Variants in MGAT4A observed in about 807,000 individuals in gnomAD.
The protein encoded by MGAT4A is alpha-1,3-mannosyl-glycoprotein 4-beta-N-acetylglucosaminyltransferase A, also known as N-acetylglucosaminyltransferase IVa.
Under a neutral mutation model 74.1 loss-of-function variants are expected in MGAT4A, and 33 were observed. The ratio of observed to expected loss-of-function variants is 0.45; its 90% CI spans 0.34 to 0.60. The LOEUF is 0.60. MGAT4A is among the 20% of genes least tolerant of loss of function. The pLI is 0.02. For missense variants in MGAT4A, 479 were observed against 628.3 expected, an observed-to-expected ratio of 0.76 and a Z score of 2.54; for synonymous variants, 198 against 210.4, an observed-to-expected ratio of 0.94 and a Z score of 0.51.
At chr2:98,628,734 A>T (rs1701182400) in intron 14 of MGAT4A, among the ~76,000 whole-genome samples, 1 of 152,194 alleles carries the variant, frequency 6.6e-6, no homozygotes, top group Non-Finnish European at 1.5e-5. Context: ...CAATGCTCAA[A>T]ATCTACTTTT....
At chr2:98,728,462 C>T (rs1333567298) in intron 1 of MGAT4A, among the ~76,000 whole-genome samples, 1 of 152,308 alleles carries the variant, frequency 6.6e-6, no homozygotes. Flanking sequence ...AAAATCTTCA[C>T]AGTGGCCAGG....
At chr2:98,686,869 T>C (rs1180191669) in intron 2 of MGAT4A, among the ~76,000 whole-genome samples, 3 of 152,210 alleles carry the variant, frequency 2.0e-5, no homozygotes, top group Admixed American at 2.0e-4. Context: ...CTCTTTTCAG[T>C]AAGTTCATCG....
chr2:98,658,107 A>G (rs1701684296), intron 6 of MGAT4A, 111 bp downstream of exon 6: 1 of 704,822 alleles, frequency 1.4e-6, no homozygotes, highest in South Asian at 1.7e-5. Context: ...CTAATAAACA[A>G]TGAACTCCAC....
chr2:98,662,841 C>T (rs1701771157), intron 5 of MGAT4A, among the ~76,000 whole-genome samples: 1 of 152,174 alleles, frequency 6.6e-6, no homozygotes, highest in Admixed American at 6.5e-5. Flanking sequence ...ATCCTATTGA[C>T]AACAAATATT....
At position 98,681,745 on chromosome 2, in the gene MGAT4A, G is replaced by A. The variant is rs200502810; in HGVS notation, c.95-3274C>T. 1.6e-4 allele frequency among the ~76,000 whole-genome samples: 24 copies of A among 152,176 alleles called. No homozygotes were observed. The East Asian group carries it at 4.1e-3, about 26-fold the overall frequency. ...CCATGGCGAGAGGATCACTGGAGCC[G>A]AGTTTGAGACCACCCTGGGCAACAT... is the stretch of plus-strand genomic sequence containing the variant. On this transcript the variant is annotated intron_variant, in intron 2 of 15. Transcript: ENST00000393487.
At chr2:98,642,999 T>G (rs1285944646) in intron 10 of MGAT4A, among the ~76,000 whole-genome samples, 1 of 152,214 alleles carries the variant, frequency 6.6e-6, no homozygotes, top group African/African-American at 2.4e-5. Flanking sequence ...CAATGAATGG[T>G]AAGTCAACTC....
At chr2:98,726,079 T>C in intron 2 of MGAT4A, 160 bp downstream of exon 2, 1 of 503,606 alleles carries the variant, frequency 2.0e-6, no homozygotes, top group South Asian at 4.0e-5. Context: ...CTGTGTCCTC[T>C]GTCCAAGAAT....
chr2:98,685,874 C>T (rs534788037), intron 2 of MGAT4A, among the ~76,000 whole-genome samples: 3 of 152,240 alleles, frequency 2.0e-5, no homozygotes, highest in Admixed American at 6.5e-5. Context: ...GGTCCATGAG[C>T]GGAGAAGCCC....
chr2:98,720,952 A>G (rs1226654162), intron 2 of MGAT4A, among the ~76,000 whole-genome samples: 1 of 152,240 alleles, frequency 6.6e-6, no homozygotes, highest in Non-Finnish European at 1.5e-5. Context: ...AGGAAGCTCA[A>G]CAGACTCCAA....
At chr2:98,631,400 C>T (rs1261100663) in intron 14 of MGAT4A, among the ~76,000 whole-genome samples, 1 of 152,230 alleles carries the variant, frequency 6.6e-6, no homozygotes, top group Non-Finnish European at 1.5e-5. Context: ...CTGTGCCCAC[C>T]GACCTAGGTG....
chr2:98,650,211 T>C (rs1701557203), intron 8 of MGAT4A, among the ~76,000 whole-genome samples: 1 of 152,038 alleles, frequency 6.6e-6, no homozygotes, highest in Admixed American at 6.5e-5. Context: ...ATAGGACTTT[T>C]GAAATTACTG....
rs367851646 is a variant in MGAT4A, at chr2:98,666,244, G to A, written c.404-3065C>T. On this transcript the variant is annotated intron_variant, in intron 4 of 15. Coordinates refer to ENST00000393487, the MANE Select transcript of MGAT4A (RefSeq NM_012214.3). ...GACAAGAGAAGGGGAGGAATCAAGG[G>A]TGACTTGAGTAACTGGACGGGGGCA... Among the ~76,000 whole-genome samples, 3 of 152,108 alleles carry A rather than the reference G, an allele frequency of 2.0e-5. No individual in the cohort carries two copies. The South Asian group carries it at 6.2e-4, about 32-fold the overall frequency.
chr2:98,716,558 C>T (rs558322495), intron 2 of MGAT4A, among the ~76,000 whole-genome samples: 63 of 152,294 alleles, frequency 4.1e-4, no homozygotes, highest in African/African-American at 1.5e-3. Flanking sequence ...GCAGAGGTTG[C>T]GGTGAGCCAA....
intron 4 of MGAT4A, among the ~76,000 whole-genome samples, chr2:98,667,271 G>A (rs992740856): frequency 6.6e-6 from 1 of 152,182 alleles, no homozygotes; most frequent in African/African-American, 2.4e-5. Context: ...GACTAATACA[G>A]TAAATTGGTA....
At chr2:98,636,801 A>G (rs983593447) in intron 12 of MGAT4A, among the ~76,000 whole-genome samples, 2 of 152,226 alleles carry the variant, frequency 1.3e-5, no homozygotes, top group African/African-American at 4.8e-5. Flanking sequence ...CTCCTAGGTG[A>G]TAAGTTCATT....
chr2:98,666,080 A>G (rs1701825311), intron 4 of MGAT4A, among the ~76,000 whole-genome samples: 1 of 152,188 alleles, frequency 6.6e-6, no homozygotes, highest in African/African-American at 2.4e-5. Context: ...CAAAAAGTAA[A>G]AGCACTTTGG....
At chr2:98,667,587 T>C (rs887109141) in intron 4 of MGAT4A, among the ~76,000 whole-genome samples, 1 of 152,188 alleles carries the variant, frequency 6.6e-6, no homozygotes, top group African/African-American at 2.4e-5. Context: ...CCCTAGAGAT[T>C]TGTGGAACTT....
At chr2:98,715,546 G>C (rs1702580509) in intron 2 of MGAT4A, among the ~76,000 whole-genome samples, 1 of 152,078 alleles carries the variant, frequency 6.6e-6, no homozygotes, top group Non-Finnish European at 1.5e-5. Context: ...ACTAATGCAG[G>C]AACAGAAAAC....
At chr2:98,657,194 T>C (rs1701672658) in intron 6 of MGAT4A, among the ~76,000 whole-genome samples, 2 of 152,240 alleles carry the variant, frequency 1.3e-5, no homozygotes, top group South Asian at 4.1e-4. Context: ...TCTTTTGCAT[T>C]TGCATTCTCC....
Sources: gnomAD v4.1 joint callset for allele counts (sites outside exome capture counted in the v4.1 genomes callset) on GRCh38, gnomAD v4.1.1 for gene constraint, MANE v1.5 for transcripts, NCBI Gene and HGNC (gene_info 2026-07-23, HGNC 2026-07-21) for gene names.